The following CFAP97D2 variants were observed in gnomAD, a reference collection of about 807,000 sequenced individuals.
CFAP97D2 encodes the protein CFAP97 domain containing 2, also known as uncharacterized protein CFAP97D2.
chr13:114,200,968 A>C (rs972577722), intron 3 of CFAP97D2, among the ~76,000 whole-genome samples: 51 of 152,168 alleles, frequency 3.4e-4, no homozygotes, highest in Admixed American at 3.3e-3. Context: ...TCTGGAAAAA[A>C]CACCGAAAAT....
At chr13:114,215,604 A>T (rs987422520) in intron 4 of CFAP97D2, 17 of 152,238 alleles carry the variant, frequency 1.1e-4, no homozygotes, top group African/African-American at 4.1e-4. Flanking sequence ...TGCAAGTTAG[A>T]GATCAATGTT....
At chr13:114,202,374 G>T (rs575167538) in intron 3 of CFAP97D2, among the ~76,000 whole-genome samples, 1 of 152,304 alleles carries the variant, frequency 6.6e-6, no homozygotes, top group East Asian at 1.9e-4. Context: ...CGCATGAGGA[G>T]CTCTCTCAAC....
intron 2 of CFAP97D2, among the ~76,000 whole-genome samples, chr13:114,198,938 C>T (rs1432072709): frequency 4.3e-5 from 2 of 46,110 alleles, no homozygotes; most frequent in African/African-American, 2.7e-4. Flanking sequence ...GTACGGTCCC[C>T]GCTGAGGTGT....
At position 114,182,213 on chromosome 13, in the gene CFAP97D2, G is replaced by A. The variant is rs570730119; in HGVS notation, c.90+2793G>A. 1.0e-3 allele frequency among the ~76,000 whole-genome samples: 144 copies of A among 144,084 alleles called. 2 individuals carry two copies. Among genetic ancestry groups the A allele is most frequent in the East Asian group, 4.7e-3 (20 of 4,284 alleles). The allele number at this position is 144,084 out of a possible 152,430, so 94.5% of individuals were successfully genotyped here. A position where few individuals can be genotyped will look rare whatever the true frequency, so the allele number is the denominator to read the frequency against. ...TATGTCGTAATTAAGTTCAAGGGAAGGTACTATGCCTGGATGTGCACGTAG... is the reference window on the plus strand; with the variant it reads ...TATGTCGTAATTAAGTTCAAGGGAAAGTACTATGCCTGGATGTGCACGTAG... On this transcript the variant is annotated intron_variant, in intron 1 of 4. Coordinates refer to ENST00000646158, the Ensembl canonical transcript of CFAP97D2.
rs2080852924 is a variant in CFAP97D2 at position 114,186,177 on chromosome 13, G to A, written c.90+6757G>A. Among the ~76,000 whole-genome samples, 1 of 152,198 alleles carries A rather than the reference G, an allele frequency of 6.6e-6. No homozygotes were observed. The highest frequency in any genetic ancestry group is 1.5e-5 in the Non-Finnish European group (1 of 68,028). On this transcript the variant is annotated intron_variant, in intron 1 of 4. Coordinates refer to ENST00000646158, the Ensembl canonical transcript of CFAP97D2. The surrounding 1 kb of genome is among the most constrained non-coding windows in gnomAD (Gnocchi z 4.3). ...GGAGGAGCTACCCTCTCTGCTGAGA[G>A]CTGAAGAAAGGACAGGATGACCAGC...
At chr13:114,215,134 T>G (rs1457710224) in intron 4 of CFAP97D2, among the ~76,000 whole-genome samples, 1 of 152,090 alleles carries the variant, frequency 6.6e-6, no homozygotes, top group Non-Finnish European at 1.5e-5. Context: ...GTCTAGCAAT[T>G]TTCACCTCTG....
chr13:114,208,678 CTGGT>C (rs1457000440), intron 3 of CFAP97D2, among the ~76,000 whole-genome samples: 1 of 152,172 alleles, frequency 6.6e-6, no homozygotes, highest in Non-Finnish European at 1.5e-5. Flanking sequence ...CAGCTAAAAA[CTGGT>C]GAAAATATGA....
intron 3 of CFAP97D2, among the ~76,000 whole-genome samples, chr13:114,201,647 T>C (rs2080918640): frequency 6.6e-6 from 1 of 152,250 alleles, no homozygotes; most frequent in Admixed American, 6.5e-5. Context: ...GGCTATTTCA[T>C]GTCTCAGTTG....
intron 3 of CFAP97D2, among the ~76,000 whole-genome samples, chr13:114,209,367 GATA>G (rs2080956380): frequency 6.6e-6 from 1 of 152,194 alleles, no homozygotes; most frequent in Non-Finnish European, 1.5e-5. Context: ...TAGAAGACCA[GATA>G]ATAAAGTGAA....
chr13:114,221,883 A>C (rs913499759), intron 4 of CFAP97D2, among the ~76,000 whole-genome samples: 1 of 152,220 alleles, frequency 6.6e-6, no homozygotes, highest in Non-Finnish European at 1.5e-5. Context: ...ACTTGAAAAC[A>C]TACATTCATG....
intron 2 of CFAP97D2, among the ~76,000 whole-genome samples, chr13:114,196,801 G>A (rs1051027923): frequency 1.3e-5 from 2 of 152,194 alleles, no homozygotes; most frequent in Non-Finnish European, 2.9e-5. Flanking sequence ...TCCCAAGGTG[G>A]TCAAGATACA....
rs1415460978 is a variant in CFAP97D2, at chr13:114,211,221, C to T, written c.291-691C>T. On this transcript the variant is annotated intron_variant, in intron 3 of 4. Coordinates refer to ENST00000646158, the Ensembl canonical transcript of CFAP97D2. This position sits in a 1 kb window ranked among gnomAD's most constrained non-coding sequence, Gnocchi z 4.2. ...GGCGCTTCCGCAGCCCCCCATGGCT[C>T]CCTCTCCATCCAATGCAGCCTCCTG... Among the ~76,000 whole-genome samples, 1 of 152,176 alleles carries T rather than the reference C, an allele frequency of 6.6e-6. No individual in the cohort carries two copies. The highest frequency in any genetic ancestry group is 1.5e-5 in the Non-Finnish European group (1 of 68,032).
At chr13:114,195,131 C>T (rs1001959402) in intron 1 of CFAP97D2, among the ~76,000 whole-genome samples, 2 of 152,214 alleles carry the variant, frequency 1.3e-5, no homozygotes, top group African/African-American at 4.8e-5. Context: ...GGGCATGCTG[C>T]AGGCCCAGGT....
At chr13:114,205,417 C>A (rs2080935278) in intron 3 of CFAP97D2, among the ~76,000 whole-genome samples, 2 of 152,144 alleles carry the variant, frequency 1.3e-5, no homozygotes, top group Non-Finnish European at 2.9e-5. Context: ...TATTCTGCAA[C>A]CTTGTTGAAC....
chr13:114,198,306 G>A (rs1288947400), intron 2 of CFAP97D2, among the ~76,000 whole-genome samples: 2 of 152,192 alleles, frequency 1.3e-5, no homozygotes, highest in Admixed American at 6.5e-5. Flanking sequence ...GGCTTTATAT[G>A]AGCCTGTTAA....
At chr13:114,198,425 G>T (rs1307684231) in intron 2 of CFAP97D2, among the ~76,000 whole-genome samples, 1 of 152,156 alleles carries the variant, frequency 6.6e-6, no homozygotes, top group African/African-American at 2.4e-5. Context: ...TTTCCTCTGG[G>T]CTCAAATATT....
Position 114,185,007 on chromosome 13 carries a change from G to A in CFAP97D2, c.90+5587G>A, listed in dbSNP as rs1318185738. On this transcript the variant is annotated intron_variant, in intron 1 of 4. Coordinates refer to ENST00000646158, the Ensembl canonical transcript of CFAP97D2. This position sits in a 1 kb window ranked among gnomAD's most constrained non-coding sequence, Gnocchi z 5.2. The stretch of plus-strand genomic sequence containing the variant: ...AGCCACTGTCATCATGTCAGTTGCA[G>A]TGGGTGGGGGGTGGTGCATGGGTGG... 6.6e-6 allele frequency among the ~76,000 whole-genome samples: 1 copy of A among 152,224 alleles called. No homozygotes were observed. Among genetic ancestry groups the A allele is most frequent in the African/African-American group, 2.4e-5 (1 of 41,452 alleles).
chr13:114,211,967 C>T lies in CFAP97D2; in HGVS notation c.346C>T (p.Pro116Ser), dbSNP rs1594521517. ...TCGCAGAGTGCGGAAGAAAACACGGCCATTCTGGAAGGAATCACACACTCA... is the reference window on the plus strand; with the variant it reads ...TCGCAGAGTGCGGAAGAAAACACGGTCATTCTGGAAGGAATCACACACTCA... Residue 116 changes from proline (P) to serine (S), a missense_variant, in exon 4 of 5, where the codon CCA becomes TCA. By Grantham distance (74) the Pro-to-Ser change is moderately conservative (BLOSUM62 -1). Coordinates refer to ENST00000646158, the Ensembl canonical transcript of CFAP97D2. This position sits in a 1 kb window ranked among gnomAD's most constrained non-coding sequence, Gnocchi z 4.2. The T allele has an allele frequency of 5.0e-6, 2 of 398,660 alleles. No individual in the cohort carries two copies. The allele number at this position is 398,660 out of a possible 1,614,324, so 24.7% of individuals were successfully genotyped here. A position where few individuals can be genotyped will look rare whatever the true frequency, so the allele number is the denominator to read the frequency against.
chr13:114,185,395 C>T lies in CFAP97D2; in HGVS notation c.90+5975C>T, dbSNP rs962337655. 1.3e-5 allele frequency among the ~76,000 whole-genome samples: 2 copies of T among 152,184 alleles called. No homozygotes were observed. Among genetic ancestry groups the T allele is most frequent in the African/African-American group, 2.4e-5 (1 of 41,440 alleles). On this transcript the variant is annotated intron_variant, in intron 1 of 4. Transcript: ENST00000646158. This position sits in a 1 kb window ranked among gnomAD's most constrained non-coding sequence, Gnocchi z 5.2. ...GCCCAGTGGGGACCTGGAACCCCCA[C>T]CCCGGCTGTGAGGAGGCATGGCCAG...
Sources: gnomAD v4.1 joint callset for allele counts (sites outside exome capture counted in the v4.1 genomes callset) on GRCh38, gnomAD v4.1.1 for gene constraint, Gnocchi (gnomAD v3.1) non-coding constraint, MANE v1.5 for transcripts, NCBI Gene and HGNC (gene_info 2026-07-23, HGNC 2026-07-21) for gene names.